ZNF454: variants seen among roughly 807,000 people sequenced by gnomAD.
ZNF454 encodes the protein zinc finger protein 454.
In ZNF454, 30 loss-of-function variants were observed where a neutral mutation model predicts 48.2. The observed-to-expected ratio is 0.62, with a 90% CI of 0.47 to 0.84. The LOEUF (loss-of-function observed/expected upper bound fraction) is 0.84, where lower values mean the gene tolerates loss of function less well. Ranked by LOEUF, ZNF454 falls within the 40% of genes least tolerant of loss-of-function variation. The pLI is 0.00. For synonymous variants in ZNF454, 204 were observed against 211.4 expected (o/e 0.97, Z 0.30); for missense variants, 510 against 623.1 (o/e 0.82, Z 1.93).
rs757477079 is a variant in ZNF454, at chr5:178,965,094, C to G, written c.690C>G (p.His230Gln). 6.2e-7 allele frequency: 1 copy of G among 1,614,150 alleles called. No individual in the cohort carries two copies. Among genetic ancestry groups the G allele is most frequent in the East Asian group, 2.2e-5 (1 of 44,884 alleles). The change falls in exon 5 of 5, where the codon CAC (histidine) becomes CAG (glutamine). Residue 230 changes from histidine (H) to glutamine (Q), a missense_variant. Physicochemically the swap from His to Gln is conservative, Grantham distance 24. Transcript: ENST00000519564. The surrounding 1 kb of genome is among the most constrained non-coding windows in gnomAD (Gnocchi z 5.2). ...GGAAAGCCTTTCACCAGAGTACGCA[C>G]CTTATCCATCACCAAAGAATTCACA... Reference protein sequence around the residue: ...ECGKAFHQSTHLIHHQRIHTG... With the variant: ...ECGKAFHQSTQLIHHQRIHTG...
At position 178,966,162 on chromosome 5, in the gene ZNF454, G is replaced by A. The variant is rs115890580; in HGVS notation, c.*189G>A. 1.1e-4 allele frequency: 59 copies of A among 525,828 alleles called. No individual in the cohort carries two copies. The highest frequency in any genetic ancestry group is 1.0e-3 in the African/African-American group (53 of 52,710). 32.6% of individuals were successfully genotyped at this position (525,828 alleles called of 1,614,324 possible). On this transcript the variant is annotated 3_prime_UTR_variant, in exon 5 of 5. Coordinates refer to ENST00000519564, the MANE Select transcript of ZNF454 (RefSeq NM_001178089.3). ...TGGCAAACACTCGGCTGGGCACAGT[G>A]GCTCACGTCTGTAATCTTTGGGAGC...
the ZNF454 span, among the ~76,000 whole-genome samples, chr5:178,988,465 A>G: frequency 6.6e-6 from 1 of 152,218 alleles, no homozygotes; most frequent in Non-Finnish European, 1.5e-5. This position sits in a 1 kb window ranked among gnomAD's most constrained non-coding sequence, Gnocchi z 6.0. Context: ...CTCAGAAGAC[A>G]CAGTTTTGAG....
downstream of ZNF454, among the ~76,000 whole-genome samples, chr5:178,970,206 C>A (rs1173359351): frequency 6.6e-6 from 1 of 152,158 alleles, no homozygotes; most frequent in Non-Finnish European, 1.5e-5. Flanking sequence ...CTCCCCTTAT[C>A]TGATTCCTCT....
At chr5:178,942,150 TC>T (rs58013027) in intron 1 of ZNF454, among the ~76,000 whole-genome samples, 16,258 of 152,152 alleles carry the variant, frequency 0.11, 1,210 homozygotes, top group African/African-American at 0.21. Flanking sequence ...ACGCCTGTAA[TC>T]CCAGTACTTT....
At chr5:178,977,053 G>C in the ZNF454 span, among the ~76,000 whole-genome samples, 1 of 152,116 alleles carries the variant, frequency 6.6e-6, no homozygotes, top group African/African-American at 2.4e-5. Context: ...GAGATGGCTG[G>C]GACCCTAGCA....
the ZNF454 span, chr5:178,988,927 C>G: frequency 6.2e-7 from 1 of 1,609,064 alleles, no homozygotes; most frequent in Non-Finnish European, 8.5e-7. This position sits in a 1 kb window ranked among gnomAD's most constrained non-coding sequence, Gnocchi z 6.0. Context: ...GGGCAGGCAC[C>G]CACTCACCAT....
Position 178,942,794 on chromosome 5 carries a change from GGCTGTCA to G in ZNF454, c.6_12del (p.Val3ThrfsTer10). ...GAGGGCTCATCGGAGAAGAAAGAATGGCTGTCAGCCACCTGCCAACCATGGTCCAGGT... is the reference window on the plus strand; with the variant it reads ...GAGGGCTCATCGGAGAAGAAAGAATGGCCACCTGCCAACCATGGTCCAGGT... On this transcript the variant is annotated frameshift_variant, in exon 2 of 5. Transcript: ENST00000519564. LOFTEE classifies it high-confidence loss of function. 6.2e-7 allele frequency: 1 copy of G among 1,613,952 alleles called. No homozygotes were observed. Among genetic ancestry groups the G allele is most frequent in the East Asian group, 2.2e-5 (1 of 44,842 alleles).
chr5:178,947,504 G>A (rs1273989564), intron 4 of ZNF454, among the ~76,000 whole-genome samples: 1 of 152,234 alleles, frequency 6.6e-6, no homozygotes, highest in Admixed American at 6.5e-5. Context: ...GTCTTTGACT[G>A]CAAGTGCCAT....
At position 178,941,638 on chromosome 5, in the gene ZNF454, C is replaced by T. The variant is rs1267756179; in HGVS notation, c.-108+194C>T. On this transcript the variant is annotated intron_variant, in intron 1 of 4. Coordinates refer to ENST00000519564, the MANE Select transcript of ZNF454 (RefSeq NM_001178089.3). This position sits in a 1 kb window ranked among gnomAD's most constrained non-coding sequence, Gnocchi z 5.5. ...GCCTGGCGTGGTTCCGAGTCCTGCG[C>T]CAGGAACTCGCCAAGGCCGGAGGCA... Among the ~76,000 whole-genome samples, 2 of 152,088 alleles carry T rather than the reference C, an allele frequency of 1.3e-5. No homozygotes were observed. Among genetic ancestry groups the T allele is most frequent in the East Asian group, 3.9e-4 (2 of 5,150 alleles).
At chr5:178,960,592 T>A (rs1039484574) in intron 4 of ZNF454, among the ~76,000 whole-genome samples, 8 of 151,812 alleles carry the variant, frequency 5.3e-5, no homozygotes, top group African/African-American at 1.9e-4. Flanking sequence ...TTCTGAGTCA[T>A]TGAGGGTGCC....
chr5:178,982,576 CAAAAAAAAAAAAA>C, the ZNF454 span, among the ~76,000 whole-genome samples: 1 of 20,168 alleles, frequency 5.0e-5, no homozygotes, highest in Admixed American at 1.0e-3. Context: ...GACTCTGTCT[CAAAAAAAAAAAAA>C]AAAAAAAAAA....
the ZNF454 span, chr5:178,986,257 G>A: frequency 6.2e-7 from 1 of 1,614,066 alleles, no homozygotes; most frequent in Non-Finnish European, 8.5e-7. Context: ...GAGCAGGGCA[G>A]AGTAGCTGAG....
chr5:178,986,804 C>G, the ZNF454 span: 2 of 1,612,712 alleles, frequency 1.2e-6, no homozygotes, highest in Non-Finnish European at 1.7e-6. Flanking sequence ...GATCCTGGGC[C>G]CATGCCCACC....
At chr5:178,978,845 CA>C in the ZNF454 span, 1 of 152,184 alleles carries the variant, frequency 6.6e-6, no homozygotes, top group African/African-American at 2.4e-5. Flanking sequence ...AGAAAACCCA[CA>C]AAACTTTATT....
At chr5:178,948,164 C>G (rs528723114) in intron 4 of ZNF454, 1 of 152,156 alleles carries the variant, frequency 6.6e-6, no homozygotes, top group Non-Finnish European at 1.5e-5. Flanking sequence ...ATTCGCCCCC[C>G]TCAGCCTCCC....
chr5:178,958,482 C>T (rs1273791492), intron 4 of ZNF454, among the ~76,000 whole-genome samples: 1 of 152,166 alleles, frequency 6.6e-6, no homozygotes, highest in Non-Finnish European at 1.5e-5. Flanking sequence ...ATTATTTGTA[C>T]ATTTTACTGT....
Position 178,942,973 on chromosome 5 carries a change from C to T in ZNF454, c.33+149C>T, listed in dbSNP as rs974584734. ...CTCCCCAACCAACACCCTCCAACCCCGCCCCATATCCGGCTCATCCTGGTG... is the reference window on the plus strand; with the variant it reads ...CTCCCCAACCAACACCCTCCAACCCTGCCCCATATCCGGCTCATCCTGGTG... On this transcript the variant is annotated intron_variant, in intron 2 of 4. Transcript: ENST00000519564. 8 of 773,552 alleles carry T rather than the reference C, an allele frequency of 1.0e-5. No homozygotes were observed. The East Asian group carries it at 1.4e-4, about 13-fold the overall frequency. 47.9% of individuals were successfully genotyped at this position (773,552 alleles called of 1,614,324 possible).
the ZNF454 span, chr5:178,985,564 G>A: frequency 4.4e-3 from 1,482 of 337,904 alleles, 6 homozygotes; most frequent in East Asian, 0.017. Flanking sequence ...TTAGCCGGGC[G>A]TGGTGGCGGG....
chr5:178,965,267 C>G lies in ZNF454; in HGVS notation c.863C>G (p.Ala288Gly), dbSNP rs765535436. Residue 288 changes from alanine (A) to glycine (G), a missense_variant, in exon 5 of 5, where the codon GCC becomes GGC. Physicochemically the swap from Ala to Gly is moderately conservative, Grantham distance 60 (BLOSUM62 0). Transcript: ENST00000519564. This position sits in a 1 kb window ranked among gnomAD's most constrained non-coding sequence, Gnocchi z 5.2. ...GCTTTTATCCGAAATATACACCTTG[C>G]CCATCATCATAGAATACATACTGGA... ...GKAFIRNIHL[A>G]HHHRIHTGEK... 7.4e-6 allele frequency: 12 copies of G among 1,614,052 alleles called. No individual in the cohort carries two copies. The highest frequency in any genetic ancestry group is 1.0e-5 in the Non-Finnish European group (12 of 1,180,034).
Sources: gnomAD v4.1 joint callset for allele counts (sites outside exome capture counted in the v4.1 genomes callset) on GRCh38, gnomAD v4.1.1 for gene constraint, Gnocchi (gnomAD v3.1) non-coding constraint, MANE v1.5 for transcripts, NCBI Gene and HGNC (gene_info 2026-07-23, HGNC 2026-07-21) for gene names.